Variants in NKAIN2 observed in about 807,000 individuals in gnomAD.
NKAIN2 encodes sodium/potassium transporting ATPase interacting 2.
NKAIN2 carries 14 observed loss-of-function variants against 32.6 expected under a neutral mutation model. The ratio of observed to expected loss-of-function variants is 0.43; its 90% CI spans 0.28 to 0.67. The LOEUF is 0.67. Among genes scored for constraint, NKAIN2 ranks in the 30% least tolerant of loss-of-function variants. NKAIN2 has a pLI of 0.17. For missense variants in NKAIN2, 198 were observed against 258.3 expected (o/e 0.77, Z 1.60); for synonymous variants, 80 against 87.2 (o/e 0.92, Z 0.46).
intron 5 of NKAIN2, among the ~76,000 whole-genome samples, chr6:124,809,589 T>C (rs1269963915): frequency 9.3e-5 from 14 of 150,676 alleles, no homozygotes; most frequent in Middle Eastern, 3.4e-3. Context: ...ACTTCATGTC[T>C]AAAACACCAA....
chr6:124,431,812 A>C (rs1775228233), intron 3 of NKAIN2, among the ~76,000 whole-genome samples: 2 of 152,208 alleles, frequency 1.3e-5, no homozygotes, highest in Admixed American at 6.5e-5. Context: ...ATATCTGTAC[A>C]TAACACATAG....
chr6:124,577,658 T>A (rs1781380831), intron 3 of NKAIN2, among the ~76,000 whole-genome samples: 1 of 152,048 alleles, frequency 6.6e-6, no homozygotes, highest in African/African-American at 2.4e-5. Flanking sequence ...CCTGGGCAAG[T>A]TCTGGTGCTG....
At chr6:124,070,686 A>G (rs1227824432) in intron 1 of NKAIN2, among the ~76,000 whole-genome samples, 2 of 152,072 alleles carry the variant, frequency 1.3e-5, no homozygotes, top group Admixed American at 6.6e-5. Flanking sequence ...AATGACTTCT[A>G]TTGCCCATTA....
intron 1 of NKAIN2, among the ~76,000 whole-genome samples, chr6:124,190,985 C>T (rs1789989901): frequency 6.6e-6 from 1 of 152,192 alleles, no homozygotes; most frequent in South Asian, 2.1e-4. Context: ...CAGAGTGGTA[C>T]ATCTACTACA....
chr6:124,229,493 T>TAGAC (rs1289242939), intron 1 of NKAIN2, among the ~76,000 whole-genome samples: 15 of 107,544 alleles, frequency 1.4e-4, no homozygotes, highest in East Asian at 1.2e-3. Flanking sequence ...GATAGATAGA[T>TAGAC]AGATAGACAG....
At chr6:124,534,230 A>T (rs774467750) in intron 3 of NKAIN2, among the ~76,000 whole-genome samples, 9 of 151,822 alleles carry the variant, frequency 5.9e-5, no homozygotes, top group Non-Finnish European at 7.4e-5. Flanking sequence ...TGGCTCAGTG[A>T]ACTTCTGCCT....
chr6:124,319,307 G>A (rs1797080289), intron 2 of NKAIN2, among the ~76,000 whole-genome samples: 1 of 151,914 alleles, frequency 6.6e-6, no homozygotes. Flanking sequence ...GTTCCATTTC[G>A]ACATTCAAAT....
chr6:124,326,556 C>T (rs1159922949), intron 2 of NKAIN2, among the ~76,000 whole-genome samples: 1 of 152,214 alleles, frequency 6.6e-6, no homozygotes, highest in East Asian at 1.9e-4. Context: ...TTTGCAGTTA[C>T]AGGACTTTGC....
intron 1 of NKAIN2, among the ~76,000 whole-genome samples, chr6:123,859,068 G>A (rs1162113028): frequency 6.6e-6 from 1 of 152,088 alleles, no homozygotes; most frequent in Non-Finnish European, 1.5e-5. Context: ...TTTAAAGGAA[G>A]AATTACCACA....
intron 1 of NKAIN2, among the ~76,000 whole-genome samples, chr6:123,932,081 C>T (rs1242158942): frequency 6.6e-6 from 1 of 152,198 alleles, no homozygotes; most frequent in East Asian, 1.9e-4. Flanking sequence ...AGCTTACCCT[C>T]CCTGAGGGTT....
intron 3 of NKAIN2, among the ~76,000 whole-genome samples, chr6:124,429,911 C>T (rs186579061): frequency 1.1e-4 from 16 of 151,922 alleles, no homozygotes; most frequent in Admixed American, 3.9e-4. Context: ...GAATTAGCAT[C>T]GGGGACAGAG....
At chr6:123,917,618 G>T (rs767054519) in intron 1 of NKAIN2, among the ~76,000 whole-genome samples, 3 of 152,030 alleles carry the variant, frequency 2.0e-5, no homozygotes, top group Non-Finnish European at 4.4e-5. Context: ...CTGCTCTTGG[G>T]CCTTTCCTTT....
chr6:123,826,025 A>G (rs963373097), intron 1 of NKAIN2, among the ~76,000 whole-genome samples: 3 of 152,158 alleles, frequency 2.0e-5, no homozygotes, highest in Non-Finnish European at 2.9e-5. Context: ...TTAGTGTCTT[A>G]GGATAACATT....
At chr6:124,440,047 T>C (rs753843635) in intron 3 of NKAIN2, among the ~76,000 whole-genome samples, 24 of 152,214 alleles carry the variant, frequency 1.6e-4, no homozygotes, top group East Asian at 1.9e-4. Context: ...ATGGCCCTTC[T>C]TCAGTATCTT....
At chr6:124,306,827 T>C (rs1156516160) in intron 2 of NKAIN2, among the ~76,000 whole-genome samples, 1 of 152,160 alleles carries the variant, frequency 6.6e-6, no homozygotes, top group Non-Finnish European at 1.5e-5. Context: ...ATTCTGCTTA[T>C]AAGGAAAGTA....
chr6:124,706,611 GC>G (rs1350241837), intron 4 of NKAIN2, among the ~76,000 whole-genome samples: 4 of 152,120 alleles, frequency 2.6e-5, no homozygotes, highest in Non-Finnish European at 4.4e-5. Flanking sequence ...GACTCAAAGA[GC>G]TGAATCCAGG....
At chr6:124,782,406 G>A (rs1444377217) in intron 4 of NKAIN2, among the ~76,000 whole-genome samples, 1 of 151,928 alleles carries the variant, frequency 6.6e-6, no homozygotes, top group Admixed American at 6.6e-5. Context: ...CGTAGTTTTA[G>A]CCCCTTTCTT....
intron 1 of NKAIN2, among the ~76,000 whole-genome samples, chr6:124,134,050 A>T: frequency 6.6e-6 from 1 of 152,058 alleles, no homozygotes; most frequent in East Asian, 1.9e-4. Flanking sequence ...GAATTACCAG[A>T]TAAAGAATTC....
intron 3 of NKAIN2, among the ~76,000 whole-genome samples, chr6:124,648,741 T>G (rs1317163681): frequency 6.6e-6 from 1 of 152,208 alleles, no homozygotes; most frequent in Non-Finnish European, 1.5e-5. Context: ...GTCCTTACAG[T>G]TCTATTGGTC....
Sources: allele counts gnomAD v4.1 joint callset (sites outside exome capture counted in the v4.1 genomes callset), GRCh38; gene constraint gnomAD v4.1.1; transcripts MANE v1.5; gene names NCBI Gene and HGNC (gene_info 2026-07-23, HGNC 2026-07-21).